The following SOS2 variants were observed in gnomAD, a reference collection of about 807,000 sequenced individuals.
SOS2 encodes the protein SOS Ras/Rho guanine nucleotide exchange factor 2.
SOS2 carries 65 observed loss-of-function variants against 148.2 expected under a neutral mutation model. The ratio of observed to expected loss-of-function variants is 0.44; its 90% CI spans 0.36 to 0.54. SOS2 has a LOEUF of 0.54. Ranked by LOEUF, SOS2 falls within the 20% of genes least tolerant of loss-of-function variation. The pLI is 0.00. For synonymous variants in SOS2, 539 were observed against 537.1 expected (o/e 1.00, Z -0.05); for missense variants, 1,341 against 1,590.2 (o/e 0.84, Z 2.67).
rs1884434191 is a variant in SOS2 at position 50,145,363 on chromosome 14, A to G, written c.2505-31T>C. On this transcript the variant is annotated intron_variant, in intron 15 of 22. Coordinates refer to ENST00000216373, the MANE Select transcript of SOS2 (RefSeq NM_006939.4). Reference sequence around the variant, plus strand: ...AACAACAAAAATTCATGGCTTAGAAAAGTTTCTTCACCTCACTTAGAAAAC... The same window carrying G: ...AACAACAAAAATTCATGGCTTAGAAGAGTTTCTTCACCTCACTTAGAAAAC... 3 of 1,580,804 alleles carry G rather than the reference A, an allele frequency of 1.9e-6. No homozygotes were observed. In the East Asian group the frequency reaches 6.8e-5, roughly 36 times the overall value.
chr14:50,165,293 A>T (rs1885131599), intron 8 of SOS2, among the ~76,000 whole-genome samples: 1 of 152,170 alleles, frequency 6.6e-6, no homozygotes, highest in African/African-American at 2.4e-5. Context: ...TTTTCCCCCA[A>T]AACAGGAACT....
chr14:50,124,522 C>T (rs1188416803), intron 21 of SOS2, among the ~76,000 whole-genome samples: 2 of 152,100 alleles, frequency 1.3e-5, no homozygotes, highest in African/African-American at 4.8e-5. Flanking sequence ...AGGGTGTGAA[C>T]ATTTTTATGG....
Position 50,161,475 on chromosome 14 carries a change from GA to G in SOS2, c.1196+6del. ...AGGCATTCACGTTTTCAACACTTTG[GA>G]ATTACCCAGGTCGACGTCTAGGTGA... On this transcript the variant is annotated splice_donor_region_variant and intron_variant, in intron 9 of 22. Transcript: ENST00000216373. 1.2e-6 allele frequency: 2 copies of G among 1,607,330 alleles called. No individual in the cohort carries two copies. The highest frequency in any genetic ancestry group is 1.7e-6 in the Non-Finnish European group (2 of 1,177,724).
chr14:50,153,766 C>T (rs1055462762), intron 12 of SOS2, among the ~76,000 whole-genome samples: 4 of 152,172 alleles, frequency 2.6e-5, no homozygotes, highest in Non-Finnish European at 5.9e-5. Flanking sequence ...ACGCCCGCCA[C>T]CATGCTGGGC....
chr14:50,192,640 G>C (rs910083978), intron 4 of SOS2, among the ~76,000 whole-genome samples: 3 of 152,206 alleles, frequency 2.0e-5, no homozygotes, highest in East Asian at 1.9e-4. Context: ...AAGGCAGGCA[G>C]ATCACTTGAG....
intron 18 of SOS2, among the ~76,000 whole-genome samples, chr14:50,137,825 C>T (rs114938203): frequency 2.2e-3 from 332 of 152,066 alleles, no homozygotes; most frequent in African/African-American, 7.8e-3. Context: ...TCCAATTATA[C>T]TCTTATAGTT....
At chr14:50,143,056 A>C (rs962541828) in intron 16 of SOS2, among the ~76,000 whole-genome samples, 2 of 152,224 alleles carry the variant, frequency 1.3e-5, no homozygotes, top group African/African-American at 4.8e-5. Flanking sequence ...TCCTTATGTC[A>C]AAGCATTATA....
intron 22 of SOS2, among the ~76,000 whole-genome samples, chr14:50,119,100 G>A (rs1403670371): frequency 6.6e-6 from 1 of 152,090 alleles, no homozygotes; most frequent in Non-Finnish European, 1.5e-5. Context: ...ATACATTTCA[G>A]AAATTTATGT....
chr14:50,166,004 G>A (rs960834671), intron 8 of SOS2, among the ~76,000 whole-genome samples: 2 of 152,088 alleles, frequency 1.3e-5, no homozygotes, highest in Admixed American at 6.6e-5. Context: ...GCTCTACCAT[G>A]ACACCAGACA....
At position 50,158,595 on chromosome 14, in the gene SOS2, G is replaced by T; in HGVS notation, c.1904C>A (p.Pro635Gln). 2 of 1,607,424 alleles carry T rather than the reference G, an allele frequency of 1.2e-6. No individual in the cohort carries two copies. Among genetic ancestry groups the T allele is most frequent in the South Asian group, 1.1e-5 (1 of 90,186 alleles). The change falls in exon 11 of 23, where the codon CCA becomes CAA. Residue 635 changes from proline to glutamine, a missense_variant. Physicochemically the swap from Pro to Gln is moderately conservative, Grantham distance 76. Coordinates refer to ENST00000216373, the MANE Select transcript of SOS2 (RefSeq NM_006939.4). ...FLTTYRSFCKPQELLSLLIER... is the reference protein window; with the variant it reads ...FLTTYRSFCKQQELLSLLIER... ...AATCAGTAAGCTCAGCAATTCCTGT[G>T]GTTTACAAAATGAACGATATGTGGT...
chr14:50,151,014 C>T (rs933097873), intron 13 of SOS2, among the ~76,000 whole-genome samples: 16 of 151,692 alleles, frequency 1.1e-4, no homozygotes, highest in Non-Finnish European at 2.2e-4. Context: ...TGAGCCACCG[C>T]GCCTGGCCTA....
intron 11 of SOS2, among the ~76,000 whole-genome samples, chr14:50,157,604 A>G (rs1188498563): frequency 2.0e-5 from 3 of 152,308 alleles, no homozygotes; most frequent in Middle Eastern, 3.4e-3. Context: ...CAGCTAAACT[A>G]TAAGTCTAAC....
intron 4 of SOS2, among the ~76,000 whole-genome samples, chr14:50,189,272 A>C (rs1462229936): frequency 7.1e-6 from 1 of 140,312 alleles, no homozygotes; most frequent in Non-Finnish European, 1.5e-5. Context: ...ATATGTACTA[A>C]TACATATGTA....
chr14:50,163,778 T>G (rs1475524377), intron 8 of SOS2, among the ~76,000 whole-genome samples: 1 of 152,188 alleles, frequency 6.6e-6, no homozygotes. Context: ...AACACTTAAT[T>G]AGAACTGTTT....
At chr14:50,165,796 AC>A (rs1305843849) in intron 8 of SOS2, among the ~76,000 whole-genome samples, 2 of 152,150 alleles carry the variant, frequency 1.3e-5, no homozygotes, top group Non-Finnish European at 2.9e-5. Context: ...TGCTCTGTGC[AC>A]GCTCTTTTAT....
chr14:50,157,179 G>A lies in SOS2; in HGVS notation c.1935-58C>T, dbSNP rs1884849045. 1.7e-5 allele frequency: 27 copies of A among 1,568,912 alleles called. No individual in the cohort carries two copies. In the South Asian group the frequency reaches 3.0e-4, roughly 17 times the overall value. On this transcript the variant is annotated intron_variant, in intron 11 of 22. Coordinates refer to ENST00000216373, the MANE Select transcript of SOS2 (RefSeq NM_006939.4). ...TCATACATAATGAAAATACAAGGAG[G>A]AAAACAGCAAGCAACCTTCTTTCCT...
chr14:50,198,856 T>C (rs991260308), intron 4 of SOS2, among the ~76,000 whole-genome samples: 2 of 152,234 alleles, frequency 1.3e-5, no homozygotes, highest in African/African-American at 4.8e-5. Context: ...AAGATTGCTA[T>C]GTTATTCAGC....
intron 1 of SOS2, among the ~76,000 whole-genome samples, chr14:50,215,111 C>T (rs982560212): frequency 2.6e-5 from 4 of 151,968 alleles, no homozygotes; most frequent in African/African-American, 4.8e-5. Flanking sequence ...GCTGGGATTA[C>T]AGGCGTGAGC....
Position 50,118,494 on chromosome 14 carries a change from A to G in SOS2, c.3849T>C (p.Asn1283=), listed in dbSNP as rs1417984521. Residue 1283 remains asparagine, a synonymous_variant, in exon 23 of 23, where the codon AAT becomes AAC. Coordinates refer to ENST00000216373, the MANE Select transcript of SOS2 (RefSeq NM_006939.4). ...CAGGGGGAGCTGGAGGATGAGCAAG[A>G]TTATTCTGACTAGAACTGAGCACAT... The part of the protein sequence containing the change: ...RCYVLSSSQN[N]LAHPPAPPVP... 5 of 1,613,994 alleles carry G rather than the reference A, an allele frequency of 3.1e-6. No individual in the cohort carries two copies. In the African/African-American group the frequency reaches 5.3e-5, roughly 17 times the overall value.
Sources: gnomAD v4.1 joint callset for allele counts (sites outside exome capture counted in the v4.1 genomes callset) on GRCh38, gnomAD v4.1.1 for gene constraint, MANE v1.5 for transcripts, NCBI Gene and HGNC (gene_info 2026-07-23, HGNC 2026-07-21) for gene names.